The following COL6A1 variants were observed in gnomAD, a reference collection of about 807,000 sequenced individuals.
COL6A1 encodes the protein collagen alpha-1(VI) chain.
In COL6A1, 80 loss-of-function variants were observed where a neutral mutation model predicts 145.6. That is an observed-to-expected ratio of 0.55 (90% CI 0.46 to 0.66). The LOEUF (loss-of-function observed/expected upper bound fraction) is 0.66, where lower values mean the gene tolerates loss of function less well. COL6A1 is among the 30% of genes least tolerant of loss of function. The pLI is 0.00. For missense variants in COL6A1, 1,364 were observed against 1,473.8 expected (o/e 0.93, Z 1.22); for synonymous variants, 638 against 622.8 (o/e 1.02, Z -0.36).
rs2077819024 is a variant in COL6A1 at position 45,998,402 on chromosome 21, A to G, written c.1580A>G (p.Tyr527Cys). Residue 527 changes from tyrosine (Y) to cysteine (C), a missense_variant, in exon 24 of 35, where the codon TAT becomes TGT. By Grantham distance (194) the Tyr-to-Cys change is radical. Transcript: ENST00000361866. ...GTEGFPGFPG[Y>C]PGNRGAPGIN... Reference sequence around the variant, plus strand: ...TGCCCTGCTTTTCCATGACAGGGGTATCCGGGCAACAGGGGCGCTCCCGGG... The same window carrying G: ...TGCCCTGCTTTTCCATGACAGGGGTGTCCGGGCAACAGGGGCGCTCCCGGG... 5.6e-6 allele frequency: 9 copies of G among 1,613,082 alleles called. No individual in the cohort carries two copies. Among genetic ancestry groups the G allele is most frequent in the African/African-American group, 1.3e-5 (1 of 74,910 alleles).
At chr21:45,982,535 C>A in intron 1 of COL6A1, 99 bp from the exon 2 acceptor site, 1 of 1,570,104 alleles carries the variant, frequency 6.4e-7, no homozygotes, top group Non-Finnish European at 8.7e-7. Flanking sequence ...GCCCGGGGCT[C>A]TGTGCTGCAG....
intron 19 of COL6A1, among the ~76,000 whole-genome samples, chr21:45,993,878 C>T (rs1035178033): frequency 4.6e-5 from 7 of 152,348 alleles, no homozygotes; most frequent in African/African-American, 1.7e-4. Context: ...AAACACTTGC[C>T]GGGTCCACGG....
At chr21:45,999,585 G>C in intron 26 of COL6A1, 72 bp from the exon 27 acceptor site, 4 of 1,536,062 alleles carry the variant, frequency 2.6e-6, no homozygotes, top group Non-Finnish European at 2.7e-6. Flanking sequence ...CCTGGGGGTG[G>C]GGGCTGTCTC....
At position 45,994,052 on chromosome 21, in the gene COL6A1, A is replaced by C; in HGVS notation, c.1336-115A>C. 7 of 1,058,378 alleles carry C rather than the reference A, an allele frequency of 6.6e-6. No homozygotes were observed. The highest frequency in any genetic ancestry group is 7.1e-6 in the Non-Finnish European group (5 of 699,514). 65.6% of individuals were successfully genotyped at this position (1,058,378 alleles called of 1,614,324 possible). On this transcript the variant is annotated intron_variant, in intron 19 of 34. Transcript: ENST00000361866. This position sits in a 1 kb window ranked among gnomAD's most constrained non-coding sequence, Gnocchi z 6.8. The stretch of plus-strand genomic sequence containing the variant: ...CAGGAAGGGGCTGTGCGGGGAGGGA[A>C]GGCCGGAACAGCCCAGTGACCACCT...
In COL6A1 at chr21:46,002,628, C is replaced by T. The variant is rs377558756; in HGVS notation, c.2352C>T (p.Pro784=). ...CQGLAPSQGR[P]GLSLVKENYA... is the part of the protein sequence containing the mutation. Reference sequence around the variant, plus strand: ...GCCTGGCACCATCCCAGGGCCGGCCCGGCCTCTCGCTGGTCAAGGAGAACT... The same window carrying T: ...GCCTGGCACCATCCCAGGGCCGGCCTGGCCTCTCGCTGGTCAAGGAGAACT... Residue 784 remains proline (P), a synonymous_variant, in exon 33 of 35, where the codon CCC becomes CCT. Coordinates refer to ENST00000361866, the MANE Select transcript of COL6A1 (RefSeq NM_001848.3). 51 of 1,614,088 alleles carry T rather than the reference C, an allele frequency of 3.2e-5. No homozygotes were observed. The East Asian group carries it at 4.2e-4, about 13-fold the overall frequency.
In COL6A1 at chr21:45,987,024, C is replaced by T. The variant is rs552000247; in HGVS notation, c.669C>T (p.Asp223=). The T allele has an allele frequency of 3.3e-5, 51 of 1,551,622 alleles. No homozygotes were observed. In the Middle Eastern group the frequency reaches 5.0e-4, roughly 15 times the overall value. The change falls in exon 5 of 35, where the codon GAC becomes GAT. Residue 223 remains aspartate (D), a synonymous_variant. Transcript: ENST00000361866. The part of the protein sequence containing the change: ...FTAADWGQSR[D]AEEAISQTID... ...CGGCTGACTGGGGCCAGAGCCGCGA[C>T]GCAGAGGAGGCCATCAGCCAGACCA...
rs8132377 is a variant in COL6A1 at position 46,001,879 on chromosome 21, C to T, written c.1957-82C>T. The T allele has an allele frequency of 0.34, 433,786 of 1,267,850 alleles. 79,176 individuals carry two copies. The highest frequency in any genetic ancestry group is 0.62 in the East Asian group (25,855 of 41,400). The allele number at this position is 1,267,850 out of a possible 1,614,324, so 78.5% of individuals were successfully genotyped here. On this transcript the variant is annotated intron_variant, in intron 30 of 34. Coordinates refer to ENST00000361866, the MANE Select transcript of COL6A1 (RefSeq NM_001848.3). Reference sequence around the variant, plus strand: ...GGGGCCATGCCACCCTCTGGGCACCCGCAGCCAATAGAGTCACCCTTGGGA... The same window carrying T: ...GGGGCCATGCCACCCTCTGGGCACCTGCAGCCAATAGAGTCACCCTTGGGA...
At chr21:45,982,230 C>T (rs1434002402) in intron 1 of COL6A1, among the ~76,000 whole-genome samples, 5 of 152,200 alleles carry the variant, frequency 3.3e-5, no homozygotes, top group Admixed American at 6.5e-5. Flanking sequence ...GCTGTCTCGG[C>T]GCCCCGTGAA....
chr21:45,992,937 C>A, intron 19 of COL6A1, 127 bp downstream of exon 19: 2 of 794,382 alleles, frequency 2.5e-6, no homozygotes, highest in Non-Finnish European at 4.1e-6. Flanking sequence ...GTGGCCAGCC[C>A]ATCCCCACGC....
intron 21 of COL6A1, 48 bp downstream of exon 21, chr21:45,997,531 G>A: frequency 2.5e-6 from 4 of 1,591,766 alleles, no homozygotes; most frequent in Non-Finnish European, 3.4e-6. Flanking sequence ...GGGGCCTGAG[G>A]ATCCAGAACC....
At chr21:45,998,637 T>C (rs929495069) in intron 24 of COL6A1, among the ~76,000 whole-genome samples, 1 of 152,144 alleles carries the variant, frequency 6.6e-6, no homozygotes, top group Non-Finnish European at 1.5e-5. Context: ...CACTGTGGTG[T>C]GGCCTGTGGG....
At chr21:45,988,302 G>T (rs1368999915) in intron 8 of COL6A1, among the ~76,000 whole-genome samples, 3 of 21,994 alleles carry the variant, frequency 1.4e-4, no homozygotes, top group East Asian at 1.5e-3. Flanking sequence ...GGAGGGGACG[G>T]CGGGGTCCAG....
In COL6A1 at chr21:46,000,809, G is replaced by T. The variant is rs13053065; in HGVS notation, c.1822+42G>T. 2.5e-6 allele frequency: 4 copies of T among 1,612,280 alleles called. No homozygotes were observed. The African/African-American group carries it at 5.3e-5, about 22-fold the overall frequency. ...AGCTCCTGAGAGAATGGATCCCGGG[G>T]GTCGGGGAGCGAGGCCTGGGTCCCA... is the stretch of plus-strand genomic sequence containing the variant. On this transcript the variant is annotated intron_variant, in intron 29 of 34. Transcript: ENST00000361866.
intron 15 of COL6A1, among the ~76,000 whole-genome samples, chr21:45,991,473 G>A (rs1033870748): frequency 2.2e-4 from 33 of 152,170 alleles, no homozygotes; most frequent in South Asian, 1.5e-3. Flanking sequence ...CGGGTGGGAG[G>A]GCGAGTGGGC....
intron 20 of COL6A1, among the ~76,000 whole-genome samples, chr21:45,995,844 C>T (rs773422285): frequency 2.0e-5 from 3 of 152,234 alleles, no homozygotes; most frequent in Non-Finnish European, 2.9e-5. Context: ...TGGAGCCTCC[C>T]TGGGGCCTTT....
intron 30 of COL6A1, 55 bp from the exon 31 acceptor site, chr21:46,001,906 G>C: frequency 6.6e-7 from 1 of 1,507,664 alleles, no homozygotes; most frequent in East Asian, 2.3e-5. Context: ...CCCTTGGGAA[G>C]CTTATGCGGA....
At chr21:45,992,678 T>TC in intron 18 of COL6A1, 70 bp from the exon 19 acceptor site, 1 of 1,482,388 alleles carries the variant, frequency 6.7e-7, no homozygotes, top group Non-Finnish European at 9.2e-7. Context: ...AGGCCAGGCC[T>TC]CAAGCCCCAC....
chr21:45,982,020 T>A, intron 1 of COL6A1, 73 bp downstream of exon 1: 1 of 1,239,152 alleles, frequency 8.1e-7, no homozygotes, highest in Non-Finnish European at 1.2e-6. Flanking sequence ...ATGCGCGGGG[T>A]CCCCTCCCAC....
At position 46,004,108 on chromosome 21, in the gene COL6A1, C is replaced by G; in HGVS notation, c.*95C>G. On this transcript the variant is annotated 3_prime_UTR_variant, in exon 35 of 35. Coordinates refer to ENST00000361866, the MANE Select transcript of COL6A1 (RefSeq NM_001848.3). Reference sequence around the variant, plus strand: ...TGTGATGCGAATTTTCCCGACCAACCTGATTCGCTAGATTTTTTTTAAGGA... The same window carrying G: ...TGTGATGCGAATTTTCCCGACCAACGTGATTCGCTAGATTTTTTTTAAGGA... 1 of 1,511,872 alleles carries G rather than the reference C, an allele frequency of 6.6e-7. No individual in the cohort carries two copies. Among genetic ancestry groups the G allele is most frequent in the Non-Finnish European group, 9.1e-7 (1 of 1,102,572 alleles). 93.7% of individuals were successfully genotyped at this position (1,511,872 alleles called of 1,614,324 possible). A position where few individuals can be genotyped will look rare whatever the true frequency, so the allele number is the denominator to read the frequency against.
Sources: allele counts gnomAD v4.1 joint callset (sites outside exome capture counted in the v4.1 genomes callset), GRCh38; gene constraint gnomAD v4.1.1; non-coding constraint Gnocchi (gnomAD v3.1); transcripts MANE v1.5; gene names NCBI Gene and HGNC (gene_info 2026-07-23, HGNC 2026-07-21).